Variants in BCAS3 observed in about 807,000 individuals in gnomAD.
BCAS3 encodes BCAS3 microtubule associated cell migration factor, also known as BCAS4/BCAS3 fusion.
Under a neutral mutation model 116.1 loss-of-function variants are expected in BCAS3, and 53 were observed. The ratio of observed to expected loss-of-function variants is 0.46; its 90% CI spans 0.37 to 0.57. BCAS3 has a LOEUF of 0.57. Among genes scored for constraint, BCAS3 ranks in the 20% least tolerant of loss-of-function variants. The probability of loss-of-function intolerance (pLI) is 0.00; values close to 1 mark genes in which losing one functional copy is unlikely to be tolerated. For missense variants in BCAS3, 917 were observed against 1,165.4 expected (o/e 0.79, Z 3.10); for synonymous variants, 391 against 408.2 (o/e 0.96, Z 0.51).
rs1248239797 is a variant in BCAS3 at position 61,056,357 on chromosome 17, G to T, written c.2029+15465G>T. Among the ~76,000 whole-genome samples the T allele has an allele frequency of 6.6e-6, 1 of 152,140 alleles. No individual in the cohort carries two copies. The highest frequency in any genetic ancestry group is 1.9e-4 in the East Asian group (1 of 5,194). The stretch of plus-strand genomic sequence containing the variant: ...ACAGTGCCCATGTTATATACTGATA[G>T]AAGTCAGTAATTTACTTGAAATATG... On this transcript the variant is annotated intron_variant, in intron 19 of 23. Coordinates refer to ENST00000407086, the MANE Select transcript of BCAS3 (RefSeq NM_017679.5). The surrounding 1 kb of genome is among the most constrained non-coding windows in gnomAD (Gnocchi z 4.9).
At chr17:60,913,495 TG>T (rs910301114) in intron 12 of BCAS3, among the ~76,000 whole-genome samples, 33 of 152,136 alleles carry the variant, frequency 2.2e-4, no homozygotes, top group Non-Finnish European at 7.4e-5. Flanking sequence ...AAAATGTTTT[TG>T]TCTCTGATAA....
At position 61,332,224 on chromosome 17, in the gene BCAS3, G is replaced by A. The variant is rs1371131863; in HGVS notation, c.2426-36103G>A. 6.6e-6 allele frequency among the ~76,000 whole-genome samples: 1 copy of A among 152,200 alleles called. No homozygotes were observed. Among genetic ancestry groups the A allele is most frequent in the South Asian group, 2.1e-4 (1 of 4,832 alleles). ...CTATGTTTCGGGGACATGAGAAGAA[G>A]GCATTCTTAGAACAGATACTGCCTG... On this transcript the variant is annotated intron_variant, in intron 22 of 23. Coordinates refer to ENST00000407086, the MANE Select transcript of BCAS3 (RefSeq NM_017679.5). This position sits in a 1 kb window ranked among gnomAD's most constrained non-coding sequence, Gnocchi z 5.4.
At position 61,327,999 on chromosome 17, in the gene BCAS3, A is replaced by C. The variant is rs1253843999; in HGVS notation, c.2426-40328A>C. ...TTTTTCACCCAGCAATTTATTTTCT[A>C]GGAATTTATTCCACAAAAATATAGG... On this transcript the variant is annotated intron_variant, in intron 22 of 23. Transcript: ENST00000407086. This position sits in a 1 kb window ranked among gnomAD's most constrained non-coding sequence, Gnocchi z 5.9. Among the ~76,000 whole-genome samples the C allele has an allele frequency of 6.6e-6, 1 of 152,226 alleles. No homozygotes were observed. Among genetic ancestry groups the C allele is most frequent in the African/African-American group, 2.4e-5 (1 of 41,452 alleles).
In BCAS3 at chr17:61,134,089, G is replaced by A. The variant is rs1002192408; in HGVS notation, c.2425+49525G>A. ...AGTCATATACAAAAAGGGAGGAGAGGTAGAGTTGGCCTGATGTGGAAAATA... is the reference window on the plus strand; with the variant it reads ...AGTCATATACAAAAAGGGAGGAGAGATAGAGTTGGCCTGATGTGGAAAATA... On this transcript the variant is annotated intron_variant, in intron 22 of 23. Coordinates refer to ENST00000407086, the MANE Select transcript of BCAS3 (RefSeq NM_017679.5). This position sits in a 1 kb window ranked among gnomAD's most constrained non-coding sequence, Gnocchi z 4.6. Among the ~76,000 whole-genome samples, 2 of 152,108 alleles carry A rather than the reference G, an allele frequency of 1.3e-5. No individual in the cohort carries two copies. Among genetic ancestry groups the A allele is most frequent in the African/African-American group, 4.8e-5 (2 of 41,422 alleles).
chr17:60,706,830 G>T (rs1314767005), intron 4 of BCAS3, among the ~76,000 whole-genome samples: 1 of 138,608 alleles, frequency 7.2e-6, no homozygotes, highest in Non-Finnish European at 1.5e-5. Context: ...TTTTGGTGGA[G>T]ACAGGGTCTC....
chr17:60,915,669 T>C (rs2058741685), intron 12 of BCAS3, among the ~76,000 whole-genome samples: 1 of 138,092 alleles, frequency 7.2e-6, no homozygotes, highest in Non-Finnish European at 1.5e-5. Context: ...AGCATGTAGT[T>C]CGTACTTTTT....
chr17:61,141,009 G>T lies in BCAS3; in HGVS notation c.2425+56445G>T, dbSNP rs1176912951. ...GGCATGAAGCCCGTGAGAGATCATT[G>T]CTACCACTTCTACTTTTCATTATCA... is the stretch of plus-strand genomic sequence containing the variant. On this transcript the variant is annotated intron_variant, in intron 22 of 23. Coordinates refer to ENST00000407086, the MANE Select transcript of BCAS3 (RefSeq NM_017679.5). The surrounding 1 kb of genome is among the most constrained non-coding windows in gnomAD (Gnocchi z 4.3). Among the ~76,000 whole-genome samples, 1 of 151,916 alleles carries T rather than the reference G, an allele frequency of 6.6e-6. No individual in the cohort carries two copies. The highest frequency in any genetic ancestry group is 1.5e-5 in the Non-Finnish European group (1 of 67,996).
chr17:60,989,985 C>T lies in BCAS3; in HGVS notation c.1236C>T (p.Cys412=), dbSNP rs2063422277. The change falls in exon 15 of 24, where the codon TGC becomes TGT. Residue 412 remains cysteine, a synonymous_variant. Coordinates refer to ENST00000407086, the MANE Select transcript of BCAS3 (RefSeq NM_017679.5). ...CTCATTTCTAGGTACAGGACATCTG[C>T]TTCAGCCATGACTGTCGCTGGGTTG... ...GETEAKVQDI[C]FSHDCRWVVV... The T allele has an allele frequency of 1.2e-6, 2 of 1,614,030 alleles. No individual in the cohort carries two copies. The highest frequency in any genetic ancestry group is 2.2e-5 in the South Asian group (2 of 91,084).
chr17:60,987,177 TC>T (rs2063193302), intron 14 of BCAS3: 1 of 152,132 alleles, frequency 6.6e-6, no homozygotes, highest in Non-Finnish European at 1.5e-5. Flanking sequence ...TCTGTTCTGT[TC>T]CATTGGTGTA....
At chr17:60,715,507 G>T (rs1393551674) in intron 5 of BCAS3, among the ~76,000 whole-genome samples, 1 of 151,462 alleles carries the variant, frequency 6.6e-6, no homozygotes, top group Non-Finnish European at 1.5e-5. Flanking sequence ...TTTTTATTTT[G>T]AGATGGAGTC....
At position 61,381,105 on chromosome 17, in the gene BCAS3, C is replaced by A. The variant is rs1203128464; in HGVS notation, c.2594-10872C>A. Among the ~76,000 whole-genome samples the A allele has an allele frequency of 6.6e-6, 1 of 152,220 alleles. No homozygotes were observed. Among genetic ancestry groups the A allele is most frequent in the African/African-American group, 2.4e-5 (1 of 41,450 alleles). ...AATTCATTACTGATCACATTACTTT[C>A]AACTCTGAAGCCAGCCTTGTGATAA... On this transcript the variant is annotated intron_variant, in intron 23 of 23. Coordinates refer to ENST00000407086, the MANE Select transcript of BCAS3 (RefSeq NM_017679.5). The surrounding 1 kb of genome is among the most constrained non-coding windows in gnomAD (Gnocchi z 6.0).
chr17:60,943,081 C>T (rs1008763540), intron 13 of BCAS3, among the ~76,000 whole-genome samples: 1 of 151,758 alleles, frequency 6.6e-6, no homozygotes, highest in Non-Finnish European at 1.5e-5. Context: ...AGCAAGAAAC[C>T]ATGAGAAGAG....
chr17:61,089,418 A>G (rs941802657), intron 22 of BCAS3, among the ~76,000 whole-genome samples: 1 of 145,182 alleles, frequency 6.9e-6, no homozygotes, highest in Non-Finnish European at 1.5e-5. Context: ...GGACCTTCTT[A>G]TAGAGGCATT....
At chr17:61,216,717 T>C (rs2081816626) in intron 22 of BCAS3, among the ~76,000 whole-genome samples, 2 of 151,260 alleles carry the variant, frequency 1.3e-5, no homozygotes, top group African/African-American at 4.8e-5. Context: ...CTAATTTTTG[T>C]ATTTTTAGTA....
At chr17:61,146,849 C>G (rs2077244432) in intron 22 of BCAS3, among the ~76,000 whole-genome samples, 1 of 151,860 alleles carries the variant, frequency 6.6e-6, no homozygotes, top group South Asian at 2.1e-4. Context: ...CATGCACTTG[C>G]TAGAGAAAAT....
intron 6 of BCAS3, among the ~76,000 whole-genome samples, chr17:60,750,861 C>T (rs1331465479): frequency 6.6e-6 from 1 of 152,162 alleles, no homozygotes; most frequent in Non-Finnish European, 1.5e-5. Context: ...GTTCCTTATC[C>T]ACTGTCAGTA....
chr17:60,929,589 A>G (rs957623046), intron 13 of BCAS3, among the ~76,000 whole-genome samples: 4 of 151,624 alleles, frequency 2.6e-5, no homozygotes, highest in Non-Finnish European at 4.4e-5. Context: ...ATTATTATAC[A>G]TTAAGTTTTA....
intron 5 of BCAS3, among the ~76,000 whole-genome samples, chr17:60,714,161 T>C (rs892799179): frequency 2.6e-5 from 4 of 152,018 alleles, no homozygotes; most frequent in Admixed American, 2.6e-4. Flanking sequence ...AGAGATGAAA[T>C]CTCACTATGT....
intron 7 of BCAS3, among the ~76,000 whole-genome samples, chr17:60,809,830 G>A (rs2048630116): frequency 6.6e-6 from 1 of 152,190 alleles, no homozygotes; most frequent in Admixed American, 6.5e-5. Context: ...GTATTTGAGT[G>A]AATCCTCTGT....
Sources: gnomAD v4.1 joint callset for allele counts (sites outside exome capture counted in the v4.1 genomes callset) on GRCh38, gnomAD v4.1.1 for gene constraint, Gnocchi (gnomAD v3.1) non-coding constraint, MANE v1.5 for transcripts, NCBI Gene and HGNC (gene_info 2026-07-23, HGNC 2026-07-21) for gene names.